Variants in LRRC8C observed in about 807,000 individuals in gnomAD.
LRRC8C encodes the protein leucine rich repeat containing 8 VRAC subunit C.
A neutral mutation model predicts 55.3 loss-of-function variants in LRRC8C; 20 were observed. The observed-to-expected ratio is 0.36, with a 90% CI of 0.25 to 0.53. The LOEUF is 0.53. Ranked by LOEUF, LRRC8C falls within the 20% of genes least tolerant of loss-of-function variation. LRRC8C has a pLI of 0.92. For missense variants in LRRC8C, 659 were observed against 951.4 expected (o/e 0.69, Z 4.04); for synonymous variants, 376 against 360.7 (o/e 1.04, Z -0.48).
chr1:89,689,565 G>T (rs1268536209), intron 2 of LRRC8C, among the ~76,000 whole-genome samples: 1 of 152,188 alleles, frequency 6.6e-6, no homozygotes, highest in Non-Finnish European at 1.5e-5. Context: ...GGTTTGAGTA[G>T]GGTGAAAGCA....
chr1:89,703,152 T>C (rs1013957696), intron 2 of LRRC8C, among the ~76,000 whole-genome samples: 8 of 152,156 alleles, frequency 5.3e-5, no homozygotes, highest in Non-Finnish European at 1.0e-4. Flanking sequence ...AAAATTAAAG[T>C]GAACCTGCAG....
At chr1:89,712,119 A>T (rs1218391679) in intron 2 of LRRC8C, among the ~76,000 whole-genome samples, 1 of 150,484 alleles carries the variant, frequency 6.6e-6, no homozygotes, top group Admixed American at 6.6e-5. Flanking sequence ...AGAATTGATA[A>T]TTTTTTTTTT....
chr1:89,685,223 A>G (rs1189993197), intron 1 of LRRC8C, among the ~76,000 whole-genome samples: 2 of 140,804 alleles, frequency 1.4e-5, no homozygotes, highest in Non-Finnish European at 3.0e-5. Context: ...GGTTCACGCC[A>G]TTCTCCTGCC....
intron 2 of LRRC8C, among the ~76,000 whole-genome samples, chr1:89,706,618 C>T (rs1050366721): frequency 8.5e-5 from 13 of 152,274 alleles, no homozygotes; most frequent in African/African-American, 3.1e-4. Context: ...TGCAATAGAG[C>T]ATGCACATAC....
chr1:89,642,715 G>C (rs1656495331), intron 1 of LRRC8C, among the ~76,000 whole-genome samples: 1 of 152,186 alleles, frequency 6.6e-6, no homozygotes, highest in Admixed American at 6.5e-5. Flanking sequence ...AGGCATAGTG[G>C]CACGCACCTG....
chr1:89,708,837 C>T (rs1658562726), intron 2 of LRRC8C, among the ~76,000 whole-genome samples: 2 of 152,250 alleles, frequency 1.3e-5, no homozygotes, highest in East Asian at 1.9e-4. Flanking sequence ...GACAGCCAGC[C>T]CTCACATTCT....
At chr1:89,651,813 G>C (rs1341739840) in intron 1 of LRRC8C, among the ~76,000 whole-genome samples, 1 of 152,058 alleles carries the variant, frequency 6.6e-6, no homozygotes, top group Non-Finnish European at 1.5e-5. Context: ...AGAATTGTTA[G>C]AAAAATTACT....
At chr1:89,623,138 C>T in the LRRC8C span, among the ~76,000 whole-genome samples, 81,575 of 149,210 alleles carry the variant, frequency 0.55, 23,514 homozygotes, top group African/African-American at 0.75. Flanking sequence ...AAGCTATCAA[C>T]GCAACTAACT....
intron 1 of LRRC8C, among the ~76,000 whole-genome samples, chr1:89,651,250 G>T (rs559712665): frequency 6.6e-6 from 1 of 152,066 alleles, no homozygotes; most frequent in African/African-American, 2.4e-5. Flanking sequence ...TATTTTTAAA[G>T]GATTGTTTAA....
At chr1:89,658,572 AC>A (rs1164932727) in intron 1 of LRRC8C, among the ~76,000 whole-genome samples, 1 of 152,156 alleles carries the variant, frequency 6.6e-6, no homozygotes, top group Non-Finnish European at 1.5e-5. Context: ...GGAAGATTAT[AC>A]CTAAATACCA....
the LRRC8C span, among the ~76,000 whole-genome samples, chr1:89,621,302 A>G: frequency 2.4e-5 from 3 of 124,180 alleles, no homozygotes; most frequent in Admixed American, 7.2e-5. Context: ...CTACTAAAAA[A>G]AAAAAAAAAA....
chr1:89,650,685 A>G (rs1322490552), intron 1 of LRRC8C, among the ~76,000 whole-genome samples: 1 of 152,240 alleles, frequency 6.6e-6, no homozygotes, highest in African/African-American at 2.4e-5. Flanking sequence ...TCTTAGTAAT[A>G]TAGTAAACTT....
At chr1:89,691,136 C>T (rs1488034950) in intron 2 of LRRC8C, among the ~76,000 whole-genome samples, 3 of 152,170 alleles carry the variant, frequency 2.0e-5, no homozygotes, top group Non-Finnish European at 2.9e-5. Context: ...AACAGCACAG[C>T]CCATGCCTTC....
intron 1 of LRRC8C, among the ~76,000 whole-genome samples, chr1:89,664,989 T>A (rs1570707026): frequency 6.6e-6 from 1 of 152,224 alleles, no homozygotes; most frequent in African/African-American, 2.4e-5. Flanking sequence ...ACATTGATTT[T>A]GTATCCTGAG....
intron 1 of LRRC8C, among the ~76,000 whole-genome samples, chr1:89,664,206 A>G (rs943763910): frequency 9.9e-5 from 15 of 152,100 alleles, no homozygotes; most frequent in African/African-American, 3.6e-4. Context: ...TTAGTCATGA[A>G]GTCTTTGCCC....
intron 2 of LRRC8C, among the ~76,000 whole-genome samples, chr1:89,696,789 C>T (rs1184482234): frequency 6.6e-6 from 1 of 152,126 alleles, no homozygotes; most frequent in East Asian, 1.9e-4. Flanking sequence ...CTATCAAGCC[C>T]TCTTTCACCT....
At chr1:89,700,396 A>G (rs1193127555) in intron 2 of LRRC8C, among the ~76,000 whole-genome samples, 7 of 152,224 alleles carry the variant, frequency 4.6e-5, no homozygotes, top group Admixed American at 2.6e-4. Flanking sequence ...TGCTTTTAGA[A>G]CAGCAAATAC....
intron 2 of LRRC8C, among the ~76,000 whole-genome samples, chr1:89,704,936 G>T (rs1208654484): frequency 2.0e-5 from 3 of 151,886 alleles, no homozygotes; most frequent in Non-Finnish European, 2.9e-5. Context: ...TATACCCAAA[G>T]GACTATAAAT....
At chr1:89,712,002 C>T (rs186729891) in intron 2 of LRRC8C, among the ~76,000 whole-genome samples, 39 of 152,330 alleles carry the variant, frequency 2.6e-4, no homozygotes, top group Admixed American at 9.2e-4. Context: ...CTTTCTGCTT[C>T]TCATACACAG....
Sources: gnomAD v4.1 joint callset for allele counts (sites outside exome capture counted in the v4.1 genomes callset) on GRCh38, gnomAD v4.1.1 for gene constraint, MANE v1.5 for transcripts, NCBI Gene and HGNC (gene_info 2026-07-23, HGNC 2026-07-21) for gene names.